The following GSTO2 variants were observed in gnomAD, a reference collection of about 807,000 sequenced individuals.
The protein encoded by GSTO2 is glutathione S-transferase omega 2.
A neutral mutation model predicts 28.4 loss-of-function variants in GSTO2; 23 were observed. That is an observed-to-expected ratio of 0.81 (90% CI 0.58 to 1.15). The LOEUF (loss-of-function observed/expected upper bound fraction) is 1.15. Among genes scored for constraint, GSTO2 ranks in the 50% most tolerant of loss-of-function variants. The pLI is 0.00. For synonymous variants in GSTO2, 109 were observed against 111.0 expected (o/e 0.98, Z 0.11); for missense variants, 298 against 297.8 (o/e 1.00, Z 0.00).
chr10:104,275,369 C>T (rs2011583510), intron 3 of GSTO2, 35 bp downstream of exon 3: 4 of 1,600,694 alleles, frequency 2.5e-6, no homozygotes, highest in Middle Eastern at 1.7e-4. Context: ...CCGAGCAAAC[C>T]CAGCGCCTCA....
At chr10:104,289,063 C>T (rs1414946765) in intron 5 of GSTO2, among the ~76,000 whole-genome samples, 2 of 152,156 alleles carry the variant, frequency 1.3e-5, no homozygotes, top group Non-Finnish European at 2.9e-5. Flanking sequence ...CTTTTCCCCC[C>T]ACACTATCTT....
At chr10:104,279,915 C>A (rs371905853) in intron 5 of GSTO2, among the ~76,000 whole-genome samples, 2 of 152,110 alleles carry the variant, frequency 1.3e-5, no homozygotes, top group East Asian at 1.9e-4. Context: ...GTGATCCCAG[C>A]ACTTGGGGAG....
At chr10:104,279,315 A>G in intron 4 of GSTO2, 55 bp from the exon 5 acceptor site, 3 of 1,449,992 alleles carry the variant, frequency 2.1e-6, no homozygotes, top group East Asian at 4.5e-5. Context: ...CAGGCAGAAC[A>G]GGAACTGGAA....
At chr10:104,271,627 C>T (rs1370129339) in intron 1 of GSTO2, among the ~76,000 whole-genome samples, 1 of 152,226 alleles carries the variant, frequency 6.6e-6, no homozygotes, top group Non-Finnish European at 1.5e-5. Context: ...TAGATTGTTT[C>T]CCTTTAGAGG....
intron 5 of GSTO2, among the ~76,000 whole-genome samples, chr10:104,294,240 C>T (rs1258439034): frequency 1.3e-5 from 2 of 152,058 alleles, no homozygotes; most frequent in African/African-American, 4.8e-5. Context: ...ACTTCTAATC[C>T]TTTGTGTAAT....
intron 5 of GSTO2, among the ~76,000 whole-genome samples, chr10:104,285,105 C>T (rs1003127003): frequency 2.0e-5 from 3 of 152,156 alleles, no homozygotes; most frequent in African/African-American, 4.8e-5. Flanking sequence ...CATTTCCACG[C>T]AGAGTTTCCC....
intron 5 of GSTO2, among the ~76,000 whole-genome samples, chr10:104,290,537 A>G (rs2012714713): frequency 6.6e-6 from 1 of 152,060 alleles, no homozygotes; most frequent in Non-Finnish European, 1.5e-5. Flanking sequence ...AATATAGTAC[A>G]TATACACAAT....
chr10:104,279,726 C>A (rs993677383), intron 5 of GSTO2, among the ~76,000 whole-genome samples: 1 of 152,172 alleles, frequency 6.6e-6, no homozygotes, highest in Admixed American at 6.5e-5. Context: ...CCCTGAGTAG[C>A]TCTGCATGGC....
intron 1 of GSTO2, among the ~76,000 whole-genome samples, chr10:104,272,324 T>C (rs1298625513): frequency 6.6e-6 from 1 of 152,232 alleles, no homozygotes; most frequent in African/African-American, 2.4e-5. Context: ...TGGCTGTTTT[T>C]ACACTACAAG....
rs982957529 is a variant in GSTO2 at position 104,275,510 on chromosome 10, A to G, written c.143+176A>G. Among the ~76,000 whole-genome samples the G allele has an allele frequency of 5.9e-5, 9 of 152,278 alleles. No individual in the cohort carries two copies. In the East Asian group the frequency reaches 1.2e-3, roughly 20 times the overall value. On this transcript the variant is annotated intron_variant, in intron 3 of 6. Transcript: ENST00000338595. ...CTTTTTTTTAGCGGGCCCTACTGAA[A>G]TGCGGAGCCCTTTTCCGAGTCACGC... is the stretch of plus-strand genomic sequence containing the variant.
At chr10:104,292,738 G>A (rs1270361854) in intron 5 of GSTO2, among the ~76,000 whole-genome samples, 1 of 152,180 alleles carries the variant, frequency 6.6e-6, no homozygotes, top group Non-Finnish European at 1.5e-5. Context: ...TTACAGGCAT[G>A]AGCCACCATG....
intron 5 of GSTO2, among the ~76,000 whole-genome samples, chr10:104,287,413 G>A (rs1043379417): frequency 6.6e-6 from 1 of 152,202 alleles, no homozygotes; most frequent in Non-Finnish European, 1.5e-5. Flanking sequence ...CCTTAGAGCA[G>A]CAGCATTATT....
At position 104,274,906 on chromosome 10, in the gene GSTO2, C is replaced by T. The variant is rs2011552227; in HGVS notation, c.-10C>T. 2 of 1,609,084 alleles carry T rather than the reference C, an allele frequency of 1.2e-6. No individual in the cohort carries two copies. Among genetic ancestry groups the T allele is most frequent in the African/African-American group, 2.7e-5 (2 of 74,920 alleles). On this transcript the variant is annotated 5_prime_UTR_variant, in exon 2 of 7. Coordinates refer to ENST00000338595, the MANE Select transcript of GSTO2 (RefSeq NM_183239.2). The stretch of plus-strand genomic sequence containing the variant: ...TGAGCTCCGGGAGCTGCGCAAACCA[C>T]CTGGAGACCATGTCTGGGGATGCGA...
At position 104,301,728 on chromosome 10, in the gene GSTO2, G is replaced by A. The variant is rs1199489271; in HGVS notation, c.*2444G>A. ...GAGATAACCACTTTTAGTAATTGGTGTCTACCTTTTTTTCCCCTTTTCTTT... is the reference window on the plus strand; with the variant it reads ...GAGATAACCACTTTTAGTAATTGGTATCTACCTTTTTTTCCCCTTTTCTTT... On this transcript the variant is annotated 3_prime_UTR_variant, in exon 7 of 7. Coordinates refer to ENST00000338595, the MANE Select transcript of GSTO2 (RefSeq NM_183239.2). The A allele has an allele frequency of 6.6e-6, 1 of 152,146 alleles. No homozygotes were observed. Among genetic ancestry groups the A allele is most frequent in the Non-Finnish European group, 1.5e-5 (1 of 68,016 alleles). 9.4% of individuals were successfully genotyped at this position (152,146 alleles called of 1,614,324 possible). A position where few individuals can be genotyped will look rare whatever the true frequency, so the allele number is the denominator to read the frequency against.
rs761643553 is a variant in GSTO2, at chr10:104,274,959, C to T, written c.34+10C>T. Reference sequence around the variant, plus strand: ...AGGACCCTGGGGAAAGGTGAGTGCTCTCCATGGGGTCCGCGAGCTGGGGGC... The same window carrying T: ...AGGACCCTGGGGAAAGGTGAGTGCTTTCCATGGGGTCCGCGAGCTGGGGGC... On this transcript the variant is annotated intron_variant, in intron 2 of 6. Transcript: ENST00000338595. 20 of 1,580,744 alleles carry T rather than the reference C, an allele frequency of 1.3e-5. No homozygotes were observed. The highest frequency in any genetic ancestry group is 1.7e-5 in the Non-Finnish European group (20 of 1,167,722).
intron 5 of GSTO2, among the ~76,000 whole-genome samples, chr10:104,285,488 C>A (rs1426602805): frequency 6.6e-6 from 1 of 151,852 alleles, no homozygotes; most frequent in South Asian, 2.1e-4. Context: ...CGCACTCTGT[C>A]ACCCACATTG....
Position 104,277,988 on chromosome 10 carries a change from T to C in GSTO2, c.238T>C (p.Cys80Arg), listed in dbSNP as rs1271118772. Residue 80 changes from cysteine to arginine, a missense_variant, in exon 4 of 7, where the codon TGT (cysteine) becomes CGT (arginine). By Grantham distance (180) the Cys-to-Arg change is radical. Transcript: ENST00000338595. ...CATTCCTGTCCTGGAGACCAGCCAATGTCAACTGATCTATGAATCTGTTAT... is the reference window on the plus strand; with the variant it reads ...CATTCCTGTCCTGGAGACCAGCCAACGTCAACTGATCTATGAATCTGTTAT... ...GHIPVLETSQCQLIYESVIAC... is the reference protein window; with the variant it reads ...GHIPVLETSQRQLIYESVIAC... The C allele has an allele frequency of 1.2e-6, 2 of 1,613,650 alleles. No individual in the cohort carries two copies. Among genetic ancestry groups the C allele is most frequent in the Non-Finnish European group, 1.7e-6 (2 of 1,179,674 alleles).
At chr10:104,286,384 C>A (rs977038945) in intron 5 of GSTO2, among the ~76,000 whole-genome samples, 3 of 152,228 alleles carry the variant, frequency 2.0e-5, no homozygotes, top group Non-Finnish European at 2.9e-5. Context: ...GCTATTTTCA[C>A]ATACCATAAT....
Position 104,300,634 on chromosome 10 carries a change from A to G in GSTO2, c.*1350A>G, listed in dbSNP as rs1043849707. ...GCTGGGAGCATCTACTGCCTGCACT[A>G]TGGGAGGGGGACCAAGTTTGTCCAA... is the stretch of plus-strand genomic sequence containing the variant. On this transcript the variant is annotated 3_prime_UTR_variant, in exon 7 of 7. Transcript: ENST00000338595. The G allele has an allele frequency of 1.3e-5, 2 of 152,286 alleles. No individual in the cohort carries two copies. The highest frequency in any genetic ancestry group is 2.4e-5 in the African/African-American group (1 of 41,440). The allele number at this position is 152,286 out of a possible 1,614,324, so 9.4% of individuals were successfully genotyped here.
Sources: gnomAD v4.1 joint callset for allele counts (sites outside exome capture counted in the v4.1 genomes callset) on GRCh38, gnomAD v4.1.1 for gene constraint, MANE v1.5 for transcripts, NCBI Gene and HGNC (gene_info 2026-07-23, HGNC 2026-07-21) for gene names.